SLC25A21: variants seen among roughly 807,000 people sequenced by gnomAD.
The protein encoded by SLC25A21 is solute carrier family 25 member 21.
In SLC25A21, 47 loss-of-function variants were observed where a neutral mutation model predicts 43.8. That is an observed-to-expected ratio of 1.07 (90% CI 0.85 to 1.37). The LOEUF (loss-of-function observed/expected upper bound fraction) is 1.37. Among genes scored for constraint, SLC25A21 ranks in the 40% most tolerant of loss-of-function variants. The pLI is 0.00. For missense variants in SLC25A21, 352 were observed against 350.2 expected, an observed-to-expected ratio of 1.00 and a Z score of -0.04; for synonymous variants, 131 against 121.3, an observed-to-expected ratio of 1.08 and a Z score of -0.52.
intron 1 of SLC25A21, among the ~76,000 whole-genome samples, chr14:37,009,433 C>T (rs1960681942): frequency 6.6e-6 from 1 of 152,040 alleles, no homozygotes; most frequent in Admixed American, 6.6e-5. Flanking sequence ...TTGCAGTGAG[C>T]CGAGATCATG....
intron 3 of SLC25A21, 144 bp downstream of exon 3, chr14:36,813,774 C>A: frequency 1.6e-6 from 1 of 624,070 alleles, no homozygotes; most frequent in Non-Finnish European, 2.8e-6. Context: ...TTTTCAATCA[C>A]ATTATTAGGA....
At chr14:37,009,458 C>T (rs1960682547) in intron 1 of SLC25A21, among the ~76,000 whole-genome samples, 3 of 152,012 alleles carry the variant, frequency 2.0e-5, no homozygotes, top group Admixed American at 2.0e-4. Context: ...TGCACTCCAG[C>T]CTGGGCAGCA....
intron 1 of SLC25A21, among the ~76,000 whole-genome samples, chr14:37,038,668 T>C (rs552244162): frequency 6.6e-6 from 1 of 152,264 alleles, no homozygotes; most frequent in South Asian, 2.1e-4. Context: ...GAGAGGGGGA[T>C]AGTCTTTTCC....
At chr14:36,799,154 G>A (rs982301074) in intron 3 of SLC25A21, among the ~76,000 whole-genome samples, 2 of 152,184 alleles carry the variant, frequency 1.3e-5, no homozygotes, top group South Asian at 2.1e-4. Flanking sequence ...ATCACTGGAG[G>A]AGAGATGGCC....
intron 1 of SLC25A21, among the ~76,000 whole-genome samples, chr14:36,990,319 C>T (rs1416087593): frequency 6.6e-6 from 1 of 152,140 alleles, no homozygotes; most frequent in African/African-American, 2.4e-5. Flanking sequence ...CCAGCTCTCT[C>T]CATGCAACTG....
chr14:36,705,740 G>C (rs574689442), intron 7 of SLC25A21, among the ~76,000 whole-genome samples: 1 of 152,166 alleles, frequency 6.6e-6, no homozygotes, highest in African/African-American at 2.4e-5. Context: ...TTAAATTAAA[G>C]AAAAATCTAG....
chr14:36,789,337 A>G (rs934612706), intron 3 of SLC25A21, among the ~76,000 whole-genome samples: 2 of 152,112 alleles, frequency 1.3e-5, no homozygotes, highest in African/African-American at 4.8e-5. Flanking sequence ...AGGAGAAAAT[A>G]AAAACTGGTA....
At chr14:36,888,211 G>A (rs527335060) in intron 1 of SLC25A21, among the ~76,000 whole-genome samples, 1 of 152,210 alleles carries the variant, frequency 6.6e-6, no homozygotes, top group East Asian at 1.9e-4. Context: ...AGTATATGGA[G>A]GGTCATTTTT....
intron 1 of SLC25A21, among the ~76,000 whole-genome samples, chr14:37,119,862 A>T (rs1963174948): frequency 1.3e-5 from 2 of 152,140 alleles, no homozygotes; most frequent in Non-Finnish European, 1.5e-5. Flanking sequence ...CTTACTGTAC[A>T]CTGTTCTCAG....
rs35649306 is a variant in SLC25A21, at chr14:37,145,476, C to CAG, written c.70+26803_70+26804dup. ...ACACACACACACACACACACACACA[C>CAG]AGAGAGATGAGCTAAATAACTCTTT... On this transcript the variant is annotated intron_variant, in intron 1 of 9. Coordinates refer to ENST00000331299, the MANE Select transcript of SLC25A21 (RefSeq NM_030631.4). Among the ~76,000 whole-genome samples, 655 of 143,660 alleles carry CAG rather than the reference C, an allele frequency of 4.6e-3. 14 individuals are homozygous for CAG. Among genetic ancestry groups the CAG allele is most frequent in the East Asian group, 0.029 (132 of 4,566 alleles). 94.2% of individuals were successfully genotyped at this position (143,660 alleles called of 152,430 possible).
chr14:36,725,509 A>G (rs1440822215), intron 6 of SLC25A21, 61 bp downstream of exon 6: 9 of 560,104 alleles, frequency 1.6e-5, no homozygotes, highest in Non-Finnish European at 2.4e-5. Flanking sequence ...ATAAATAAAT[A>G]AATAAATAAA....
At chr14:36,860,022 T>G (rs74047028) in intron 2 of SLC25A21, among the ~76,000 whole-genome samples, 1 of 151,938 alleles carries the variant, frequency 6.6e-6, no homozygotes, top group Non-Finnish European at 1.5e-5. Context: ...GGAAGGCCCC[T>G]TGCCTTTAGG....
intron 2 of SLC25A21, among the ~76,000 whole-genome samples, chr14:36,857,558 A>G (rs1333360360): frequency 6.6e-6 from 1 of 152,244 alleles, no homozygotes; most frequent in Non-Finnish European, 1.5e-5. Context: ...TCACTAAATG[A>G]CCAGTGAACA....
intron 1 of SLC25A21, among the ~76,000 whole-genome samples, chr14:36,888,129 G>A (rs1050806539): frequency 1.1e-4 from 16 of 152,162 alleles, no homozygotes; most frequent in Non-Finnish European, 2.2e-4. Context: ...ACACTTACCA[G>A]CATGCTACTG....
rs145155668 is a variant in SLC25A21, at chr14:36,965,046, T to C, written c.71-90042A>G. On this transcript the variant is annotated intron_variant, in intron 1 of 9. Coordinates refer to ENST00000331299, the MANE Select transcript of SLC25A21 (RefSeq NM_030631.4). Reference sequence around the variant, plus strand: ...CTATTCCATGTTCAATTTTAAAGGTTTGTGGTTACTTTTAAAGAATCTGGA... The same window carrying C: ...CTATTCCATGTTCAATTTTAAAGGTCTGTGGTTACTTTTAAAGAATCTGGA... Among the ~76,000 whole-genome samples, 204 of 152,314 alleles carry C rather than the reference T, an allele frequency of 1.3e-3. 1 individual carries two copies. The highest frequency in any genetic ancestry group is 4.7e-3 in the African/African-American group (196 of 41,578).
At chr14:36,867,854 G>A (rs7150922) in intron 2 of SLC25A21, among the ~76,000 whole-genome samples, 66,614 of 151,286 alleles carry the variant, frequency 0.44, 16,019 homozygotes, top group Non-Finnish European at 0.52. Context: ...TAATGTGGAT[G>A]CCATTATTGC....
chr14:36,764,096 G>A (rs1886285988), intron 3 of SLC25A21, among the ~76,000 whole-genome samples: 1 of 61,374 alleles, frequency 1.6e-5, no homozygotes, highest in Admixed American at 2.1e-4. Flanking sequence ...AGGAAGGAAG[G>A]AAGGAAGGAA....
At chr14:36,964,534 T>G (rs746968444) in intron 1 of SLC25A21, among the ~76,000 whole-genome samples, 1 of 152,214 alleles carries the variant, frequency 6.6e-6, no homozygotes, top group Non-Finnish European at 1.5e-5. Context: ...AGCAGTTTCT[T>G]CAGTTATAAA....
chr14:36,947,827 A>ATT (rs946120877), intron 1 of SLC25A21, among the ~76,000 whole-genome samples: 4 of 152,038 alleles, frequency 2.6e-5, no homozygotes, highest in Admixed American at 6.6e-5. Context: ...TCCGATATTC[A>ATT]TTTTTCCTCT....
Sources: gnomAD v4.1 joint callset for allele counts (sites outside exome capture counted in the v4.1 genomes callset) on GRCh38, gnomAD v4.1.1 for gene constraint, MANE v1.5 for transcripts, NCBI Gene and HGNC (gene_info 2026-07-23, HGNC 2026-07-21) for gene names.